Variants in TAS1R2 observed in about 807,000 individuals in gnomAD.
TAS1R2 encodes taste 1 receptor member 2.
Under a neutral mutation model 49.3 loss-of-function variants are expected in TAS1R2, and 47 were observed. The observed-to-expected ratio is 0.95, with a 90% confidence interval of 0.75 to 1.22. The LOEUF is 1.22. Among genes scored for constraint, TAS1R2 ranks in the 50% most tolerant of loss-of-function variants. The pLI, the probability that TAS1R2 is intolerant of heterozygous loss-of-function variation, is 0.00. For missense variants in TAS1R2, 1,155 were observed against 1,122.1 expected (o/e 1.03, Z -0.42); for synonymous variants, 479 against 467.9 (o/e 1.02, Z -0.31).
At chr1:18,849,316 C>T in intron 4 of TAS1R2, 25 bp downstream of exon 4, 1 of 1,612,064 alleles carries the variant, frequency 6.2e-7, no homozygotes, top group African/African-American at 1.3e-5. Flanking sequence ...CCAGGCCTGC[C>T]CACCCACCAG....
At chr1:18,856,799 A>G (rs970973280) in intron 2 of TAS1R2, among the ~76,000 whole-genome samples, 4 of 152,336 alleles carry the variant, frequency 2.6e-5, no homozygotes, top group East Asian at 1.9e-4. Flanking sequence ...GGCACTTTCA[A>G]TCATGATTAT....
Position 18,854,961 on chromosome 1 carries a change from T to C in TAS1R2, c.509A>G (p.Glu170Gly), listed in dbSNP as rs768278096. Residue 170 changes from glutamate (E) to glycine (G), a missense_variant, in exon 3 of 6, where the codon GAG becomes GGG. Physicochemically the swap from Glu to Gly is moderately conservative, Grantham distance 98. Coordinates refer to ENST00000375371, the Ensembl canonical transcript of TAS1R2. The surrounding 1 kb of genome is among the most constrained non-coding windows in gnomAD (Gnocchi z 4.9). ...CGGGAAGCGCACCTTGTCTCGCAGC[T>C]CATCGCTGATGGCGCTGTAGGTGAT... The C allele has an allele frequency of 1.2e-6, 2 of 1,606,524 alleles. No individual in the cohort carries two copies. The highest frequency in any genetic ancestry group is 1.3e-5 in the African/African-American group (1 of 74,762).
intron 5 of TAS1R2, 89 bp from the exon 6 acceptor site, chr1:18,840,616 A>G (rs1189007629): frequency 7.1e-7 from 1 of 1,415,470 alleles, no homozygotes; most frequent in African/African-American, 1.4e-5. Context: ...GGCTCCAGGG[A>G]TGAAGAGAGA....
At chr1:18,848,267 C>G (rs989042456) in intron 4 of TAS1R2, among the ~76,000 whole-genome samples, 1 of 152,094 alleles carries the variant, frequency 6.6e-6, no homozygotes, top group Non-Finnish European at 1.5e-5. Flanking sequence ...AGTTTCCTAA[C>G]CTATAAAATG....
Position 18,854,350 on chromosome 1 carries a change from T to TCA in TAS1R2, c.1119_1120insTG (p.Asn374Ter). The TCA allele has an allele frequency of 6.2e-7, 1 of 1,613,930 alleles. No homozygotes were observed. Among genetic ancestry groups the TCA allele is most frequent in the South Asian group, 1.1e-5 (1 of 91,030 alleles). On this transcript the variant is annotated frameshift_variant, in exon 3 of 6. Transcript: ENST00000375371. LOFTEE classifies it high-confidence loss of function. The surrounding 1 kb of genome is among the most constrained non-coding windows in gnomAD (Gnocchi z 4.9). ...TCCCCAGAGAGCCTGAGAATGGTGT[T>TCA]GAAGGACAAGGTGGCGTTCAGGCAG...
chr1:18,858,936 A>G (rs1344259943), intron 1 of TAS1R2, among the ~76,000 whole-genome samples: 5 of 152,240 alleles, frequency 3.3e-5, no homozygotes, highest in Admixed American at 1.3e-4. Context: ...GGCTGGCTCC[A>G]TGTCCTTCGT....
rs566116165 is a variant in TAS1R2 at position 18,843,896 on chromosome 1, C to T, written c.1468-2044G>A. ...TATAAGGGAAATGGTATCCAAGAAGCGCCAGTGGGTCCAAGTAAATTTCTT... is the reference window on the plus strand; with the variant it reads ...TATAAGGGAAATGGTATCCAAGAAGTGCCAGTGGGTCCAAGTAAATTTCTT... On this transcript the variant is annotated intron_variant, in intron 4 of 5. Transcript: ENST00000375371. Among the ~76,000 whole-genome samples the T allele has an allele frequency of 2.7e-3, 416 of 152,328 alleles. 1 individual carries two copies. The highest frequency in any genetic ancestry group is 0.024 in the Middle Eastern group (7 of 294).
chr1:18,847,369 C>T (rs980407984), intron 4 of TAS1R2, among the ~76,000 whole-genome samples: 5 of 145,702 alleles, frequency 3.4e-5, no homozygotes, highest in African/African-American at 1.3e-4. Context: ...TCTGTTTAAG[C>T]TCCCTACCCA....
chr1:18,848,887 A>G (rs6676938), intron 4 of TAS1R2, among the ~76,000 whole-genome samples: 63,010 of 152,020 alleles, frequency 0.41, 13,360 homozygotes, highest in East Asian at 0.55. Context: ...ATTTCATTAT[A>G]TATTACAATT....
chr1:18,843,480 G>C (rs146314920), intron 4 of TAS1R2, among the ~76,000 whole-genome samples: 1 of 152,098 alleles, frequency 6.6e-6, no homozygotes, highest in Non-Finnish European at 1.5e-5. Context: ...TTAGATTTGC[G>C]GGACAACATA....
intron 4 of TAS1R2, among the ~76,000 whole-genome samples, chr1:18,846,063 C>G (rs922977229): frequency 1.1e-4 from 16 of 152,248 alleles, no homozygotes; most frequent in Admixed American, 9.2e-4. Context: ...ATGGGCCTCT[C>G]TGTGGCCTGC....
chr1:18,850,071 C>CCTACCT (rs888467827), intron 3 of TAS1R2, among the ~76,000 whole-genome samples: 8 of 152,178 alleles, frequency 5.3e-5, no homozygotes, highest in African/African-American at 1.9e-4. Flanking sequence ...CTGGGTCCTT[C>CCTACCT]CTACCTCCCC....
chr1:18,859,545 A>G, exon 1 of TAS1R2: 1 of 1,614,192 alleles, frequency 6.2e-7, no homozygotes, highest in East Asian at 2.2e-5. Flanking sequence ...ATGGAGGGAG[A>G]AGAGGCCACC....
In TAS1R2 at chr1:18,854,122, G is replaced by A; in HGVS notation, c.1257+91C>T. The stretch of plus-strand genomic sequence containing the variant: ...TAGTGCTATGTGTCTGGAAGAATGG[G>A]ATACTCATGCCCTTTCACACCCATT... On this transcript the variant is annotated intron_variant, in intron 3 of 5. Coordinates refer to ENST00000375371, the Ensembl canonical transcript of TAS1R2. This position sits in a 1 kb window ranked among gnomAD's most constrained non-coding sequence, Gnocchi z 4.9. The A allele has an allele frequency of 7.8e-7, 1 of 1,278,322 alleles. No homozygotes were observed. Among genetic ancestry groups the A allele is most frequent in the Non-Finnish European group, 1.1e-6 (1 of 927,720 alleles). The allele number at this position is 1,278,322 out of a possible 1,614,324, so 79.2% of individuals were successfully genotyped here.
Position 18,854,664 on chromosome 1 carries a change from G to C in TAS1R2, c.806C>G (p.Ala269Gly), listed in dbSNP as rs375347091. The change falls in exon 3 of 6, where the codon GCG becomes GGG. Residue 269 changes from alanine (A) to glycine (G), a missense_variant. Ala to Gly is a moderately conservative substitution (Grantham distance 60). Coordinates refer to ENST00000375371, the Ensembl canonical transcript of TAS1R2. This position sits in a 1 kb window ranked among gnomAD's most constrained non-coding sequence, Gnocchi z 4.9. The stretch of plus-strand genomic sequence containing the variant: ...GGGCGAGAACACGACCACGACGCGC[G>C]CTGTGCTCTGCTGCAGCTTGTCCAC... The C allele has an allele frequency of 6.2e-7, 1 of 1,613,818 alleles. No homozygotes were observed. The highest frequency in any genetic ancestry group is 2.2e-5 in the East Asian group (1 of 44,894).
intron 4 of TAS1R2, among the ~76,000 whole-genome samples, chr1:18,846,899 C>T (rs1383962980): frequency 6.6e-6 from 1 of 152,176 alleles, no homozygotes; most frequent in Non-Finnish European, 1.5e-5. Flanking sequence ...GTACTATCCT[C>T]TTGGCACTCT....
chr1:18,840,276 A>G, exon 6 of TAS1R2: 2 of 1,614,044 alleles, frequency 1.2e-6, no homozygotes. Context: ...ACCACCATGT[A>G]TGCCACCAGC....
chr1:18,840,458 C>T (rs1488409276), exon 6 of TAS1R2: 15 of 1,614,166 alleles, frequency 9.3e-6, no homozygotes, highest in South Asian at 4.4e-5. Context: ...GACCAGCTGC[C>T]GCTTGAAGCA....
exon 6 of TAS1R2, chr1:18,839,693 C>T (rs780428029): frequency 6.2e-7 from 1 of 1,614,170 alleles, no homozygotes; most frequent in South Asian, 1.1e-5. Flanking sequence ...GCACTTGGGG[C>T]CGAAGTAGCC....
Sources: gnomAD v4.1 joint callset for allele counts (sites outside exome capture counted in the v4.1 genomes callset) on GRCh38, gnomAD v4.1.1 for gene constraint, Gnocchi (gnomAD v3.1) non-coding constraint, MANE v1.5 for transcripts, NCBI Gene and HGNC (gene_info 2026-07-23, HGNC 2026-07-21) for gene names.